The following HNRNPD variants were observed in gnomAD, a reference collection of about 807,000 sequenced individuals.
HNRNPD encodes the protein heterogeneous nuclear ribonucleoprotein D.
In HNRNPD, 3 loss-of-function variants were observed where a neutral mutation model predicts 47.9. The observed-to-expected ratio is 0.06, with a 90% CI of 0.03 to 0.16. The LOEUF (loss-of-function observed/expected upper bound fraction) is 0.16, where lower values mean the gene tolerates loss of function less well. Ranked by LOEUF, HNRNPD falls within the 10% of genes least tolerant of loss-of-function variation. HNRNPD has a pLI of 1.00. For synonymous variants in HNRNPD, 171 were observed against 165.1 expected (o/e 1.04, Z -0.28); for missense variants, 287 against 454.2 (o/e 0.63, Z 3.35).
chr4:82,373,416 CCTGA>C lies in HNRNPD; in HGVS notation c.233+26_233+29del, dbSNP rs747536164. The C allele has an allele frequency of 5.8e-6, 9 of 1,556,594 alleles. No homozygotes were observed. In the South Asian group the frequency reaches 9.5e-5, roughly 16 times the overall value. ...AAGAGGGGGAGGGGGACTAGTTGGG[CCTGA>C]CTATCCTGGGATGCCCCTTACTCAC... On this transcript the variant is annotated intron_variant, in intron 1 of 8. Coordinates refer to ENST00000313899, the MANE Select transcript of HNRNPD (RefSeq NM_031370.3).
chr4:82,353,118 T>A lies in HNRNPD; in HGVS notation c.*1067A>T, dbSNP rs747423854. ...ATGCTAATAACAGAACTCAAGAAGC[T>A]TCCAACAAATGACAGGAAAAACAAT... On this transcript the variant is annotated 3_prime_UTR_variant, in exon 9 of 9. Transcript: ENST00000313899. 3.3e-5 allele frequency: 5 copies of A among 152,134 alleles called. No individual in the cohort carries two copies. Among genetic ancestry groups the A allele is most frequent in the Non-Finnish European group, 5.9e-5 (4 of 68,022 alleles). 9.4% of individuals were successfully genotyped at this position (152,134 alleles called of 1,614,324 possible).
At chr4:82,356,301 G>C (rs571290508) in intron 7 of HNRNPD, 91 of 415,794 alleles carry the variant, frequency 2.2e-4, no homozygotes, top group African/African-American at 1.7e-3. Flanking sequence ...TTAAATCCAA[G>C]TAAAACAAAT....
chr4:82,370,371 C>CA (rs1412440951), intron 2 of HNRNPD, among the ~76,000 whole-genome samples: 1 of 152,122 alleles, frequency 6.6e-6, no homozygotes, highest in Non-Finnish European at 1.5e-5. Context: ...TCACTGGAAA[C>CA]AATTACATGA....
rs1420742823 is a variant in HNRNPD at position 82,352,941 on chromosome 4, CATTT to C, written c.*1240_*1243del. On this transcript the variant is annotated 3_prime_UTR_variant, in exon 9 of 9. Coordinates refer to ENST00000313899, the MANE Select transcript of HNRNPD (RefSeq NM_031370.3). ...TAGAACTGTATAATAATACATTTCT[CATTT>C]GTTACCTTTCTAATGAACTATTCTG... 4 of 152,178 alleles carry C rather than the reference CATTT, an allele frequency of 2.6e-5. No homozygotes were observed. The allele number at this position is 152,178 out of a possible 1,614,324, so 9.4% of individuals were successfully genotyped here. A position where few individuals can be genotyped will look rare whatever the true frequency, so the allele number is the denominator to read the frequency against.
At chr4:82,371,728 G>T in intron 1 of HNRNPD, 144 bp from the exon 2 acceptor site, 1 of 581,762 alleles carries the variant, frequency 1.7e-6, no homozygotes, top group African/African-American at 1.9e-5. Flanking sequence ...AATTATCAGG[G>T]CTAACAGAAA....
intron 2 of HNRNPD, among the ~76,000 whole-genome samples, chr4:82,360,440 C>G (rs1433135814): frequency 6.6e-6 from 1 of 151,950 alleles, no homozygotes; most frequent in African/African-American, 2.4e-5. Context: ...AAGTTCAGAT[C>G]TGGCAGCTTT....
rs1299578753 is a variant in HNRNPD, at chr4:82,373,947, T to C, written c.-269A>G. The C allele has an allele frequency of 8.0e-6, 6 of 746,192 alleles. No homozygotes were observed. The highest frequency in any genetic ancestry group is 1.2e-5 in the Non-Finnish European group (6 of 501,414). 46.2% of individuals were successfully genotyped at this position (746,192 alleles called of 1,614,324 possible). ...ACCAGCGGCGGCCGCTCTCGCCTCC[T>C]CCTCGCTTTAATGGCGCCGCCGCGG... On this transcript the variant is annotated 5_prime_UTR_variant, in exon 1 of 9. Coordinates refer to ENST00000313899, the MANE Select transcript of HNRNPD (RefSeq NM_031370.3).
chr4:82,352,885 G>T lies in HNRNPD; in HGVS notation c.*1300C>A, dbSNP rs1723557199. 1 of 152,050 alleles carries T rather than the reference G, an allele frequency of 6.6e-6. No homozygotes were observed. Among genetic ancestry groups the T allele is most frequent in the Non-Finnish European group, 1.5e-5 (1 of 68,008 alleles). The allele number at this position is 152,050 out of a possible 1,614,324, so 9.4% of individuals were successfully genotyped here. On this transcript the variant is annotated 3_prime_UTR_variant, in exon 9 of 9. Coordinates refer to ENST00000313899, the MANE Select transcript of HNRNPD (RefSeq NM_031370.3). ...TAGCATCAGATGTAACTCCACAAAA[G>T]TAAGAAAGGTATTCCATCACTTCAC... is the stretch of plus-strand genomic sequence containing the variant.
chr4:82,355,675 G>A (rs1410086386), intron 7 of HNRNPD: 2 of 442,560 alleles, frequency 4.5e-6, no homozygotes, highest in African/African-American at 2.0e-5. Context: ...AAGTTTCAAA[G>A]GATGGACAGC....
At chr4:82,372,089 C>G (rs1720073120) in intron 1 of HNRNPD, among the ~76,000 whole-genome samples, 1 of 152,034 alleles carries the variant, frequency 6.6e-6, no homozygotes, top group Admixed American at 6.6e-5. Flanking sequence ...TTTTCTAATA[C>G]TAGATTAAAG....
intron 2 of HNRNPD, 119 bp downstream of exon 2, chr4:82,371,409 T>G: frequency 1.4e-6 from 1 of 720,220 alleles, no homozygotes; most frequent in Non-Finnish European, 2.3e-6. Context: ...ACAAACCTAC[T>G]GTATGTACTA....
chr4:82,366,579 T>C (rs988865662), intron 2 of HNRNPD, among the ~76,000 whole-genome samples: 1 of 151,664 alleles, frequency 6.6e-6, no homozygotes, highest in Non-Finnish European at 1.5e-5. Context: ...TTTTTTTTCT[T>C]TTTTTGAGAC....
chr4:82,364,799 A>C (rs1368937357), intron 2 of HNRNPD, among the ~76,000 whole-genome samples: 2 of 152,232 alleles, frequency 1.3e-5, no homozygotes, highest in African/African-American at 4.8e-5. Context: ...ATAAAAGGAA[A>C]TATACATGGA....
intron 3 of HNRNPD, 152 bp downstream of exon 3, chr4:82,359,319 C>T (rs1349374725): frequency 2.2e-6 from 1 of 448,040 alleles, no homozygotes; most frequent in East Asian, 3.5e-5. Flanking sequence ...CCTGAACCTA[C>T]CTCTATCTTC....
chr4:82,363,830 C>G (rs1383933568), intron 2 of HNRNPD, among the ~76,000 whole-genome samples: 1 of 152,162 alleles, frequency 6.6e-6, no homozygotes, highest in Admixed American at 6.5e-5. Flanking sequence ...AAATGACAAG[C>G]ATAAAGTTAT....
chr4:82,357,324 C>A lies in HNRNPD; in HGVS notation c.742G>T (p.Gly248Cys). 1 of 1,610,188 alleles carries A rather than the reference C, an allele frequency of 6.2e-7. No individual in the cohort carries two copies. Among genetic ancestry groups the A allele is most frequent in the Non-Finnish European group, 8.5e-7 (1 of 1,178,886 alleles). The change falls in exon 5 of 9, where the codon GGT (glycine) becomes TGT (cysteine). Residue 248 changes from glycine to cysteine, a missense_variant. Gly to Cys is a radical substitution (Grantham distance 159). Around this residue, in one of 5 missense-constraint regions of HNRNPD, gnomAD observed 39 missense variants for 113.1 expected, o/e 0.34. Coordinates refer to ENST00000313899, the MANE Select transcript of HNRNPD (RefSeq NM_031370.3). ...GATGCTTAACTTACTTTACTAAGAC[C>A]AACATTGTGGTATTTCTTTTCCATT... ...KIMEKKYHNVGLSKCEIKVAM... is the reference protein window; with the variant it reads ...KIMEKKYHNVCLSKCEIKVAM...
intron 2 of HNRNPD, among the ~76,000 whole-genome samples, chr4:82,366,546 C>CGT (rs1374694217): frequency 1.4e-4 from 21 of 151,918 alleles, no homozygotes; most frequent in Admixed American, 7.2e-4. Context: ...GCCCGGCCAA[C>CGT]ATGACAGTTT....
intron 2 of HNRNPD, among the ~76,000 whole-genome samples, chr4:82,361,131 A>G (rs999680849): frequency 1.3e-5 from 2 of 152,198 alleles, no homozygotes; most frequent in African/African-American, 4.8e-5. Flanking sequence ...TGAAATGTTT[A>G]CTTCTTGCCA....
intron 2 of HNRNPD, among the ~76,000 whole-genome samples, chr4:82,367,026 CT>C (rs34807755): frequency 0.047 from 6,006 of 128,100 alleles, 189 homozygotes; most frequent in Admixed American, 0.1. Flanking sequence ...ACACACTAGC[CT>C]TTTTTTTTTT....
Sources: gnomAD v4.1 joint callset for allele counts (sites outside exome capture counted in the v4.1 genomes callset) on GRCh38, gnomAD v4.1.1 for gene constraint, gnomAD v4.1.1 regional missense constraint, MANE v1.5 for transcripts, NCBI Gene and HGNC (gene_info 2026-07-23, HGNC 2026-07-21) for gene names.